Variants in SYT1 observed in about 807,000 individuals in gnomAD.
The protein encoded by SYT1 is synaptotagmin-1.
A neutral mutation model predicts 44.8 loss-of-function variants in SYT1; 8 were observed. The observed-to-expected ratio is 0.18, with a 90% CI of 0.10 to 0.32. The LOEUF (loss-of-function observed/expected upper bound fraction) is 0.32. Among genes scored for constraint, SYT1 ranks in the 10% least tolerant of loss-of-function variants. SYT1 has a pLI of 1.00. For synonymous variants in SYT1, 154 were observed against 188.8 expected (o/e 0.82, Z 1.51); for missense variants, 286 against 509.3 (o/e 0.56, Z 4.22).
At chr12:79,009,749 A>G (rs564499798) in intron 2 of SYT1, among the ~76,000 whole-genome samples, 1 of 152,260 alleles carries the variant, frequency 6.6e-6, no homozygotes, top group South Asian at 2.1e-4. Context: ...ATGTGCTTTC[A>G]CTTGCATCTC....
chr12:79,421,468 A>G (rs1017686344), intron 9 of SYT1, among the ~76,000 whole-genome samples: 3 of 152,124 alleles, frequency 2.0e-5, no homozygotes, highest in African/African-American at 7.2e-5. Context: ...CACACTTTGG[A>G]AAAATGCTAG....
Position 79,163,343 on chromosome 12 carries a change from A to G in SYT1, c.-17-54160A>G, listed in dbSNP as rs1319566010. Among the ~76,000 whole-genome samples the G allele has an allele frequency of 2.0e-5, 3 of 152,026 alleles. No individual in the cohort carries two copies. The East Asian group carries it at 5.8e-4, about 29-fold the overall frequency. On this transcript the variant is annotated intron_variant, in intron 3 of 10. Transcript: ENST00000261205. ...CTCTGTTTAAAAGAACTAACCCATA[A>G]ACATCAATTTATCTGGCTCATGGGG...
chr12:79,196,759 A>G (rs927890145), intron 3 of SYT1, among the ~76,000 whole-genome samples: 3 of 152,234 alleles, frequency 2.0e-5, no homozygotes, highest in Admixed American at 6.5e-5. Context: ...AACAGGAGGT[A>G]AGAGAGTCAA....
At chr12:79,150,997 C>G (rs1174292141) in intron 3 of SYT1, among the ~76,000 whole-genome samples, 1 of 152,050 alleles carries the variant, frequency 6.6e-6, no homozygotes, top group Non-Finnish European at 1.5e-5. Flanking sequence ...AGAAGAGCGA[C>G]TCCTCGAGAT....
At chr12:79,277,384 A>T (rs1565887219) in intron 4 of SYT1, among the ~76,000 whole-genome samples, 1 of 152,200 alleles carries the variant, frequency 6.6e-6, no homozygotes, top group East Asian at 1.9e-4. Flanking sequence ...AAACAGAAGA[A>T]CTATCAGCCA....
chr12:78,989,914 A>G (rs1243265381), intron 2 of SYT1, among the ~76,000 whole-genome samples: 2 of 152,106 alleles, frequency 1.3e-5, no homozygotes, highest in Admixed American at 6.6e-5. Flanking sequence ...CACTCAAGAT[A>G]TCTTCATCCT....
At position 78,887,976 on chromosome 12, in the gene SYT1, T is replaced by A. The variant is rs190826370; in HGVS notation, c.-217+22867T>A. Among the ~76,000 whole-genome samples, 870 of 151,932 alleles carry A rather than the reference T, an allele frequency of 5.7e-3. 15 individuals carry two copies. Among genetic ancestry groups the A allele is most frequent in the African/African-American group, 0.019 (802 of 41,508 alleles). The stretch of plus-strand genomic sequence containing the variant: ...TTATTTCTAAAGAGGACTGCTCAAA[T>A]TTTGTGCCCAAAAAACTATGATAGA... On this transcript the variant is annotated intron_variant, in intron 1 of 10. Transcript: ENST00000261205.
intron 2 of SYT1, among the ~76,000 whole-genome samples, chr12:78,999,147 T>C (rs1443358889): frequency 6.6e-6 from 1 of 152,198 alleles, no homozygotes; most frequent in African/African-American, 2.4e-5. Context: ...ACTCAGCAAG[T>C]AATTTTTGGA....
At chr12:79,278,056 A>G (rs1184469313) in intron 4 of SYT1, among the ~76,000 whole-genome samples, 1 of 152,110 alleles carries the variant, frequency 6.6e-6, no homozygotes, top group Non-Finnish European at 1.5e-5. Context: ...ACAGCAATAC[A>G]GTAATAAGGG....
At chr12:79,362,941 T>C (rs1883375037) in intron 9 of SYT1, among the ~76,000 whole-genome samples, 1 of 152,188 alleles carries the variant, frequency 6.6e-6, no homozygotes, top group Admixed American at 6.5e-5. Flanking sequence ...AGTGTAGGTC[T>C]GTTTTGTGTT....
Position 78,977,827 on chromosome 12 carries a change from C to T in SYT1, c.-188C>T, listed in dbSNP as rs1868960395. 1 of 152,204 alleles carries T rather than the reference C, an allele frequency of 6.6e-6. No individual in the cohort carries two copies. The highest frequency in any genetic ancestry group is 2.4e-5 in the African/African-American group (1 of 41,452). The allele number at this position is 152,204 out of a possible 1,614,324, so 9.4% of individuals were successfully genotyped here. A position where few individuals can be genotyped will look rare whatever the true frequency, so the allele number is the denominator to read the frequency against. On this transcript the variant is annotated 5_prime_UTR_variant, in exon 2 of 11. Transcript: ENST00000261205. ...AAACGGGAAAACTAGCAAGAGCTAGCAAGAACTAGCAAGAGCTTGAACAAA... is the reference window on the plus strand; with the variant it reads ...AAACGGGAAAACTAGCAAGAGCTAGTAAGAACTAGCAAGAGCTTGAACAAA...
intron 2 of SYT1, among the ~76,000 whole-genome samples, chr12:79,041,830 A>G (rs1452460266): frequency 8.6e-5 from 13 of 151,976 alleles, no homozygotes; most frequent in African/African-American, 3.1e-4. Flanking sequence ...AGTTTTTAGC[A>G]TGAAGGGTTG....
intron 8 of SYT1, among the ~76,000 whole-genome samples, chr12:79,340,923 T>C (rs1462063150): frequency 1.3e-5 from 2 of 152,204 alleles, no homozygotes; most frequent in Non-Finnish European, 2.9e-5. Flanking sequence ...ATTTACAAAT[T>C]CCTCTACTTT....
In SYT1 at chr12:79,274,696, G is replaced by C. The variant is rs61709356; in HGVS notation, c.167-11091G>C. Among the ~76,000 whole-genome samples, 641 of 152,208 alleles carry C rather than the reference G, an allele frequency of 4.2e-3. 8 individuals are homozygous for C. Among genetic ancestry groups the C allele is most frequent in the African/African-American group, 0.015 (623 of 41,526 alleles). ...CCTGGGATATCTGAGTACTCTTCCT[G>C]GGTAACCTAGGCCATGCATAAATCC... On this transcript the variant is annotated intron_variant, in intron 4 of 10. Coordinates refer to ENST00000261205, the MANE Select transcript of SYT1 (RefSeq NM_005639.3).
Position 79,156,653 on chromosome 12 carries a change from G to C in SYT1, c.-17-60850G>C, listed in dbSNP as rs557145405. ...TGGCTAATTTTTTGTATTTTTAGTA[G>C]AGACAGGGTTTCACCGTGTTAGCCA... On this transcript the variant is annotated intron_variant, in intron 3 of 10. Coordinates refer to ENST00000261205, the MANE Select transcript of SYT1 (RefSeq NM_005639.3). 2.0e-5 allele frequency among the ~76,000 whole-genome samples: 3 copies of C among 152,144 alleles called. No individual in the cohort carries two copies. In the East Asian group the frequency reaches 5.8e-4, roughly 29 times the overall value.
intron 1 of SYT1, among the ~76,000 whole-genome samples, chr12:78,889,469 A>G (rs1874927575): frequency 6.6e-6 from 1 of 151,972 alleles, no homozygotes; most frequent in Non-Finnish European, 1.5e-5. Context: ...ACAATAGGTA[A>G]AAAGAGAAAA....
At chr12:78,996,053 G>A (rs1870358280) in intron 2 of SYT1, among the ~76,000 whole-genome samples, 2 of 152,016 alleles carry the variant, frequency 1.3e-5, no homozygotes, top group African/African-American at 4.8e-5. Flanking sequence ...TAATAACCCA[G>A]GTCTATCTCC....
chr12:79,097,278 A>G (rs1334263463), intron 3 of SYT1, among the ~76,000 whole-genome samples: 1 of 152,032 alleles, frequency 6.6e-6, no homozygotes, highest in Non-Finnish European at 1.5e-5. Flanking sequence ...TTACTGCAGT[A>G]GTCAAAGTCC....
intron 3 of SYT1, among the ~76,000 whole-genome samples, chr12:79,192,080 G>C (rs565593313): frequency 2.6e-4 from 40 of 152,148 alleles, no homozygotes; most frequent in African/African-American, 9.6e-4. Context: ...AAAACATTAG[G>C]GGGATGCTTT....
Sources: allele counts gnomAD v4.1 joint callset (sites outside exome capture counted in the v4.1 genomes callset), GRCh38; gene constraint gnomAD v4.1.1; transcripts MANE v1.5; gene names NCBI Gene and HGNC (gene_info 2026-07-23, HGNC 2026-07-21).